The following CACNA1S variants were observed in gnomAD, a reference collection of about 807,000 sequenced individuals.
The protein encoded by CACNA1S is calcium voltage-gated channel subunit alpha1 S, also known as voltage-dependent L-type calcium channel subunit alpha-1S.
In CACNA1S, 126 loss-of-function variants were observed where a neutral mutation model predicts 207.4. That is an observed-to-expected ratio of 0.61 (90% CI 0.53 to 0.70). The LOEUF (loss-of-function observed/expected upper bound fraction) is 0.70. Ranked by LOEUF, CACNA1S falls within the 30% of genes least tolerant of loss-of-function variation. The pLI is 0.00. For synonymous variants in CACNA1S, 960 were observed against 932.7 expected, an observed-to-expected ratio of 1.03 and a Z score of -0.53; for missense variants, 2,349 against 2,422.8, an observed-to-expected ratio of 0.97 and a Z score of 0.64.
chr1:201,075,993 A>G (rs1255924485), intron 12 of CACNA1S, among the ~76,000 whole-genome samples: 1 of 152,118 alleles, frequency 6.6e-6, no homozygotes, highest in Non-Finnish European at 1.5e-5. Flanking sequence ...GCTTGAACCC[A>G]GGAGGTGGAG....
chr1:201,060,266 G>A (rs1156331588), intron 26 of CACNA1S, among the ~76,000 whole-genome samples: 7 of 152,148 alleles, frequency 4.6e-5, no homozygotes, highest in African/African-American at 1.7e-4. Flanking sequence ...ACTCCCAAGA[G>A]AGACATCTGT....
intron 37 of CACNA1S, 139 bp downstream of exon 37, chr1:201,047,386 T>C (rs1428190816): frequency 3.9e-6 from 5 of 1,279,792 alleles, no homozygotes; most frequent in Middle Eastern, 2.4e-4. Flanking sequence ...CATCCTGAGG[T>C]TGGATGCCCG....
At chr1:201,105,713 C>T (rs61457477) in intron 2 of CACNA1S, among the ~76,000 whole-genome samples, 21,254 of 152,150 alleles carry the variant, frequency 0.14, 1,952 homozygotes, top group African/African-American at 0.26. Context: ...CCTGGGATTT[C>T]CCACAGACAC....
chr1:201,079,522 C>T (rs1661765364), intron 10 of CACNA1S, among the ~76,000 whole-genome samples: 1 of 152,076 alleles, frequency 6.6e-6, no homozygotes, highest in African/African-American at 2.4e-5. Context: ...TTTACATCAG[C>T]AAGTATAGGG....
At chr1:201,057,437 T>A (rs965041997) in intron 28 of CACNA1S, among the ~76,000 whole-genome samples, 1 of 152,256 alleles carries the variant, frequency 6.6e-6, no homozygotes. Context: ...TATGTTTCTG[T>A]ATAATACTAT....
rs1661682545 is a variant in CACNA1S, at chr1:201,077,827, G to C, written c.1619+52C>G. ...AATGAGATGGGTGTAGACCAGACCA[G>C]CCCGTGGTGCCTGCCGGGGACCCGG... On this transcript the variant is annotated intron_variant, in intron 11 of 43. Transcript: ENST00000362061. The C allele has an allele frequency of 3.9e-6, 5 of 1,292,462 alleles. No individual in the cohort carries two copies. The African/African-American group carries it at 5.8e-5, about 15-fold the overall frequency. The allele number at this position is 1,292,462 out of a possible 1,614,324, so 80.1% of individuals were successfully genotyped here.
intron 13 of CACNA1S, 106 bp from the exon 14 acceptor site, chr1:201,074,726 G>GGGT: frequency 2.7e-6 from 2 of 745,124 alleles, no homozygotes; most frequent in Non-Finnish European, 4.8e-6. Flanking sequence ...CACTCTCCCA[G>GGGT]AGCTACCCAT....
chr1:201,046,654 G>A (rs961750522), intron 38 of CACNA1S, among the ~76,000 whole-genome samples: 1 of 151,716 alleles, frequency 6.6e-6, no homozygotes, highest in African/African-American at 2.4e-5. Flanking sequence ...TGATTCTCAC[G>A]CCTCAGCCTC....
Position 201,053,571 on chromosome 1 carries a change from G to A in CACNA1S, c.3683C>T (p.Ala1228Val), listed in dbSNP as rs1660733980. 1 of 1,613,642 alleles carries A rather than the reference G, an allele frequency of 6.2e-7. No individual in the cohort carries two copies. The highest frequency in any genetic ancestry group is 1.1e-5 in the South Asian group (1 of 91,064). ...GCGGAAGAAGGCGCTGGAGATGCGG[G>A]CACTCTCATCTGGGTCCTGCGGGGC... is the stretch of plus-strand genomic sequence containing the variant. The part of the protein sequence containing the change: ...GCGNVDPDES[A>V]RISSAFFRLF... The change falls in exon 30 of 44, where the codon GCC becomes GTC. Residue 1228 changes from alanine to valine, a missense_variant. Physicochemically the swap from Ala to Val is moderately conservative, Grantham distance 64. Transcript: ENST00000362061. This position sits in a 1 kb window ranked among gnomAD's most constrained non-coding sequence, Gnocchi z 5.1.
At chr1:201,104,255 T>A (rs1162638519) in intron 2 of CACNA1S, among the ~76,000 whole-genome samples, 2 of 152,174 alleles carry the variant, frequency 1.3e-5, no homozygotes, top group African/African-American at 4.8e-5. Context: ...GGCCCCTGCC[T>A]CTACCCCACT....
intron 10 of CACNA1S, among the ~76,000 whole-genome samples, chr1:201,082,028 C>CTTTTT (rs1158693723): frequency 9.9e-6 from 1 of 100,870 alleles, no homozygotes; most frequent in Admixed American, 1.2e-4. Flanking sequence ...GTCTCAGGTG[C>CTTTTT]ATTTTTTTTT....
chr1:201,110,093 T>C, intron 2 of CACNA1S, 71 bp downstream of exon 2: 1 of 1,347,426 alleles, frequency 7.4e-7, no homozygotes, highest in South Asian at 1.2e-5. Context: ...CAGAACAGAG[T>C]CCACCAAGGG....
intron 2 of CACNA1S, 83 bp from the exon 3 acceptor site, chr1:201,094,104 C>G (rs1662333056): frequency 6.4e-7 from 1 of 1,561,370 alleles, no homozygotes; most frequent in African/African-American, 1.4e-5. Flanking sequence ...GTGCTGGGTT[C>G]CCTGCTGTTG....
Position 201,089,296 on chromosome 1 carries a change from A to G in CACNA1S, c.862T>C (p.Cys288Arg). ...TCAGTCCATCCCTCCATGGTAATGCACTGGTACACGGTGAGCATGGAGAAG... is the reference window on the plus strand; with the variant it reads ...TCAGTCCATCCCTCCATGGTAATGCGCTGGTACACGGTGAGCATGGAGAAG... ...FGFSMLTVYQCITMEGWTDVL... is the reference protein window; with the variant it reads ...FGFSMLTVYQRITMEGWTDVL... The change falls in exon 6 of 44, where the codon TGC becomes CGC. Residue 288 changes from cysteine (C) to arginine (R), a missense_variant. By Grantham distance (180) the Cys-to-Arg change is radical (BLOSUM62 -3). Transcript: ENST00000362061. 6.2e-7 allele frequency: 1 copy of G among 1,614,252 alleles called. No homozygotes were observed. The highest frequency in any genetic ancestry group is 8.5e-7 in the Non-Finnish European group (1 of 1,180,044).
intron 40 of CACNA1S, 146 bp from the exon 41 acceptor site, chr1:201,041,735 C>T (rs544607487): frequency 1.6e-5 from 11 of 702,682 alleles, no homozygotes; most frequent in Non-Finnish European, 1.8e-5. Context: ...GCTGACGTTT[C>T]CACCACTGTG....
chr1:201,070,567 CCTT>C (rs1047426292), intron 16 of CACNA1S, among the ~76,000 whole-genome samples, 163 bp from the exon 17 acceptor site: 1 of 152,218 alleles, frequency 6.6e-6, no homozygotes. Context: ...CCGGGCATCT[CCTT>C]CTCTTCACAG....
chr1:201,073,684 C>A lies in CACNA1S; in HGVS notation c.2064-42G>T, dbSNP rs781289396. 3.4e-6 allele frequency: 5 copies of A among 1,483,258 alleles called. No homozygotes were observed. In the Admixed American group the frequency reaches 8.4e-5, roughly 25 times the overall value. 91.9% of individuals were successfully genotyped at this position (1,483,258 alleles called of 1,614,324 possible). A position where few individuals can be genotyped will look rare whatever the true frequency, so the allele number is the denominator to read the frequency against. Reference sequence around the variant, plus strand: ...AAAGTGGAAGCCAAACCAGAAAGTTCTCAGGGATCTGCTGAACCTGACAAC... The same window carrying A: ...AAAGTGGAAGCCAAACCAGAAAGTTATCAGGGATCTGCTGAACCTGACAAC... On this transcript the variant is annotated intron_variant, in intron 14 of 43. Transcript: ENST00000362061.
At chr1:201,065,178 G>T (rs1558064496) in intron 22 of CACNA1S, among the ~76,000 whole-genome samples, 1 of 152,216 alleles carries the variant, frequency 6.6e-6, no homozygotes, top group South Asian at 2.1e-4. Context: ...ACTGGATCTG[G>T]ACTTGCCACA....
intron 26 of CACNA1S, among the ~76,000 whole-genome samples, chr1:201,059,705 C>A (rs1297263733): frequency 1.3e-5 from 2 of 152,136 alleles, no homozygotes; most frequent in Non-Finnish European, 2.9e-5. Flanking sequence ...GGAAAGAAGA[C>A]CCCTGGATTC....
Sources: gnomAD v4.1 joint callset for allele counts (sites outside exome capture counted in the v4.1 genomes callset) on GRCh38, gnomAD v4.1.1 for gene constraint, Gnocchi (gnomAD v3.1) non-coding constraint, MANE v1.5 for transcripts, NCBI Gene and HGNC (gene_info 2026-07-23, HGNC 2026-07-21) for gene names.